Variants in DLEC1 observed in about 807,000 individuals in gnomAD.
DLEC1 encodes the protein DLEC1 cilia and flagella associated protein.
Under a neutral mutation model 198.1 loss-of-function variants are expected in DLEC1, and 146 were observed. The observed-to-expected ratio is 0.74, with a 90% CI of 0.64 to 0.85. The LOEUF is 0.85. DLEC1 is among the 40% of genes least tolerant of loss of function. The pLI is 0.00. For synonymous variants in DLEC1, 897 were observed against 866.8 expected, an observed-to-expected ratio of 1.03 and a Z score of -0.61; for missense variants, 2,233 against 2,220.0, an observed-to-expected ratio of 1.01 and a Z score of -0.12.
At chr3:38,092,078 A>C (rs1190843853) in intron 10 of DLEC1, among the ~76,000 whole-genome samples, 4 of 152,230 alleles carry the variant, frequency 2.6e-5, no homozygotes, top group Admixed American at 6.5e-5. Flanking sequence ...CCTGGGCTCA[A>C]AAGATACCAT....
chr3:38,088,414 T>C, intron 10 of DLEC1, 26 bp downstream of exon 10: 1 of 1,590,350 alleles, frequency 6.3e-7, no homozygotes, highest in East Asian at 2.2e-5. Flanking sequence ...TTGGCATGTA[T>C]TTCCTCAACT....
chr3:38,072,928 G>A (rs962485213), intron 6 of DLEC1, among the ~76,000 whole-genome samples: 2 of 152,070 alleles, frequency 1.3e-5, no homozygotes, highest in African/African-American at 2.4e-5. Context: ...GGGCTACAAA[G>A]AAGAAGGTCA....
chr3:38,074,481 A>G (rs1369103078), intron 6 of DLEC1, among the ~76,000 whole-genome samples: 1 of 152,216 alleles, frequency 6.6e-6, no homozygotes, highest in Non-Finnish European at 1.5e-5. Context: ...CGGGCCATGA[A>G]CTGGGCTGGG....
In DLEC1 at chr3:38,117,259, G is replaced by T; in HGVS notation, c.4357G>T (p.Gly1453Ter). The change falls in exon 31 of 37, where the codon GGA (glycine) becomes TGA (stop). Residue 1453 changes from glycine (G) to a stop codon, truncating the protein, a stop_gained. Coordinates refer to ENST00000308059, the MANE Select transcript of DLEC1 (RefSeq NM_007335.4). LOFTEE classifies it high-confidence loss of function. ...KRHRLQDFAV[G>*]PLKLDLHSYV... The stretch of plus-strand genomic sequence containing the variant: ...GCATCGCCTGCAGGACTTTGCGGTG[G>T]GACCCCTGAAACTGGACCTGCATAG... 1 of 1,614,148 alleles carries T rather than the reference G, an allele frequency of 6.2e-7. No individual in the cohort carries two copies.
At chr3:38,121,863 C>T (rs1559470810) in intron 35 of DLEC1, 82 bp downstream of exon 35, 33 of 1,551,054 alleles carry the variant, frequency 2.1e-5, no homozygotes, top group Middle Eastern at 1.7e-4. Flanking sequence ...GGCCCCTGTG[C>T]GCCGTCCCTG....
intron 23 of DLEC1, 98 bp from the exon 24 acceptor site, chr3:38,111,579 T>G: frequency 2.2e-6 from 3 of 1,339,242 alleles, no homozygotes; most frequent in East Asian, 5.2e-5. Context: ...CTTCCTCTGC[T>G]GGGCACCTGG....
intron 6 of DLEC1, among the ~76,000 whole-genome samples, chr3:38,068,478 G>T (rs967905955): frequency 6.6e-6 from 1 of 152,152 alleles, no homozygotes; most frequent in Non-Finnish European, 1.5e-5. Context: ...CAACCCACCC[G>T]CCTCGGCTTC....
chr3:38,050,623 C>T (rs1056615634), intron 2 of DLEC1, among the ~76,000 whole-genome samples: 2 of 152,146 alleles, frequency 1.3e-5, no homozygotes, highest in African/African-American at 4.8e-5. Context: ...CATTCATCTA[C>T]ACATGAGGGG....
chr3:38,081,645 G>A (rs1200241798), intron 6 of DLEC1, among the ~76,000 whole-genome samples: 1 of 95,336 alleles, frequency 1.0e-5, no homozygotes, highest in African/African-American at 4.7e-5. Flanking sequence ...TCCCGGACGG[G>A]GCGGCTGGCC....
rs1700262589 is a variant in DLEC1 at position 38,117,817 on chromosome 3, G to A, written c.4497G>A (p.Glu1499=). ...PEQPCSGVLS[E]LVTTHHLKLT... The stretch of plus-strand genomic sequence containing the variant: ...CTGTGGCTGCCCAGGTGCTGAGTGA[G>A]CTGGTGACCACCCACCACCTGAAGC... Residue 1499 remains glutamate, a synonymous_variant, in exon 33 of 37, where the codon GAG becomes GAA. Coordinates refer to ENST00000308059, the MANE Select transcript of DLEC1 (RefSeq NM_007335.4). The A allele has an allele frequency of 1.2e-6, 2 of 1,614,000 alleles. No individual in the cohort carries two copies. The highest frequency in any genetic ancestry group is 2.2e-5 in the East Asian group (1 of 44,892).
At chr3:38,067,531 C>G (rs1387547354) in intron 6 of DLEC1, among the ~76,000 whole-genome samples, 1 of 152,188 alleles carries the variant, frequency 6.6e-6, no homozygotes, top group Non-Finnish European at 1.5e-5. Flanking sequence ...ATGGGAATGA[C>G]TTGTTCCACA....
chr3:38,062,568 G>C lies in DLEC1; in HGVS notation c.874-13G>C. 1 of 1,613,856 alleles carries C rather than the reference G, an allele frequency of 6.2e-7. No individual in the cohort carries two copies. The highest frequency in any genetic ancestry group is 8.5e-7 in the Non-Finnish European group (1 of 1,179,862). ...TGCCTGTCATTGACTCTATGCTTTT[G>C]TATGTTTCAAAGAAAGCAAGTCAAC... On this transcript the variant is annotated splice_polypyrimidine_tract_variant and intron_variant, in intron 4 of 36. Transcript: ENST00000308059.
At chr3:38,039,711 G>A in intron 1 of DLEC1, 75 bp downstream of exon 1, 1 of 1,502,376 alleles carries the variant, frequency 6.7e-7, no homozygotes, top group Non-Finnish European at 8.9e-7. Flanking sequence ...CACCTGCCAG[G>A]TGCCAGGCGC....
rs371968998 is a variant in DLEC1 at position 38,097,256 on chromosome 3, G to T, written c.2415G>T (p.Glu805Asp). ...GCGACTGCCACATCATTGAAGTGGA[G>T]CCCGGCACAGGGGTCATAGGTACCT... Reference protein sequence around the residue: ...KISDCHIIEVEPGTGVIEPSE... With the variant: ...KISDCHIIEVDPGTGVIEPSE... The change falls in exon 16 of 37, where the codon GAG becomes GAT. Residue 805 changes from glutamate (E) to aspartate (D), a missense_variant. Glu to Asp is a conservative substitution (Grantham distance 45). Coordinates refer to ENST00000308059, the MANE Select transcript of DLEC1 (RefSeq NM_007335.4). 2.5e-6 allele frequency: 4 copies of T among 1,583,246 alleles called. No homozygotes were observed. The highest frequency in any genetic ancestry group is 1.3e-5 in the African/African-American group (1 of 74,190).
At chr3:38,061,759 C>T (rs1233843137) in intron 3 of DLEC1, among the ~76,000 whole-genome samples, 3 of 152,180 alleles carry the variant, frequency 2.0e-5, no homozygotes, top group Admixed American at 2.0e-4. Context: ...CCTTGACCTC[C>T]TGTGCTGAAG....
At chr3:38,079,248 T>G (rs1697818307) in intron 6 of DLEC1, among the ~76,000 whole-genome samples, 1 of 152,114 alleles carries the variant, frequency 6.6e-6, no homozygotes. Context: ...TGTCTCGGCC[T>G]AATAAGGGAA....
At chr3:38,078,239 G>A (rs895795226) in intron 6 of DLEC1, among the ~76,000 whole-genome samples, 1 of 152,210 alleles carries the variant, frequency 6.6e-6, no homozygotes. Context: ...GGAGCAGAAA[G>A]TATATGCGTC....
rs1699751708 is a variant in DLEC1, at chr3:38,109,543, A to G, written c.3241A>G (p.Lys1081Glu). The change falls in exon 22 of 37, where the codon AAG becomes GAG. Residue 1081 changes from lysine to glutamate, a missense_variant. Physicochemically the swap from Lys to Glu is moderately conservative, Grantham distance 56. Transcript: ENST00000308059. ...ACTGCAAGTGGCCATTACCATCTCT[A>G]AGGAGAGCTCTGATTGCAGGTGAGC... ...QGLQVAITIS[K>E]ESSDCSTEQW... 5.6e-6 allele frequency: 9 copies of G among 1,614,094 alleles called. No homozygotes were observed. Among genetic ancestry groups the G allele is most frequent in the Middle Eastern group, 1.7e-4 (1 of 6,058 alleles).
At chr3:38,076,722 G>T (rs1697644542) in intron 6 of DLEC1, among the ~76,000 whole-genome samples, 1 of 152,148 alleles carries the variant, frequency 6.6e-6, no homozygotes, top group African/African-American at 2.4e-5. Flanking sequence ...GTCTTGGCTT[G>T]GGCTCAGAGG....
Sources: gnomAD v4.1 joint callset for allele counts (sites outside exome capture counted in the v4.1 genomes callset) on GRCh38, gnomAD v4.1.1 for gene constraint, MANE v1.5 for transcripts, NCBI Gene and HGNC (gene_info 2026-07-23, HGNC 2026-07-21) for gene names.